Variants in CECR2 observed in about 807,000 individuals in gnomAD.
CECR2 encodes the protein CECR2 histone acetyl-lysine reader.
Under a neutral mutation model 154.5 loss-of-function variants are expected in CECR2, and 30 were observed. The ratio of observed to expected loss-of-function variants is 0.19; its 90% confidence interval spans 0.15 to 0.26. CECR2 has a LOEUF of 0.26. Among genes scored for constraint, CECR2 ranks in the 10% least tolerant of loss-of-function variants. The probability of loss-of-function intolerance (pLI) is 1.00; values close to 1 mark genes in which losing one functional copy is unlikely to be tolerated. For synonymous variants in CECR2, 725 were observed against 683.7 expected, an observed-to-expected ratio of 1.06 and a Z score of -0.94; for missense variants, 1,743 against 1,829.3, an observed-to-expected ratio of 0.95 and a Z score of 0.86.
At chr22:17,359,998 A>C (rs556905333) in exon 1 of CECR2, 1 of 152,386 alleles carries the variant, frequency 6.6e-6, no homozygotes, top group East Asian at 1.9e-4. Context: ...TATAGTACTC[A>C]GCTTGACGCC....
intron 16 of CECR2, among the ~76,000 whole-genome samples, chr22:17,545,729 G>C (rs1029760353): frequency 1.3e-5 from 2 of 151,476 alleles, no homozygotes; most frequent in African/African-American, 4.9e-5. Context: ...TGTAATCCCA[G>C]CTCCTCGGGA....
chr22:17,375,784 G>A (rs956778509), intron 1 of CECR2, among the ~76,000 whole-genome samples: 1 of 151,844 alleles, frequency 6.6e-6, no homozygotes, highest in African/African-American at 2.4e-5. Context: ...ATGAAACCCC[G>A]TCTCTACTAA....
intron 1 of CECR2, among the ~76,000 whole-genome samples, chr22:17,448,829 C>A (rs893893220): frequency 6.6e-6 from 1 of 151,900 alleles, no homozygotes; most frequent in African/African-American, 2.4e-5. Flanking sequence ...TACTGTCAGG[C>A]CTTCTGTTCT....
intron 7 of CECR2, among the ~76,000 whole-genome samples, chr22:17,509,427 C>CT (rs11389089): frequency 0.43 from 60,913 of 141,010 alleles, 13,173 homozygotes; most frequent in Middle Eastern, 0.53. Flanking sequence ...TGTTTCTTTT[C>CT]TTTTTTTTTT....
intron 4 of CECR2, among the ~76,000 whole-genome samples, chr22:17,500,211 A>G (rs372201541): frequency 6.3e-5 from 7 of 111,308 alleles, no homozygotes; most frequent in Non-Finnish European, 1.5e-4. Context: ...ACTCCATCAA[A>G]AAAAAAAAAA....
intron 16 of CECR2, among the ~76,000 whole-genome samples, chr22:17,547,117 G>GT (rs1163060230): frequency 6.6e-6 from 1 of 151,036 alleles, no homozygotes; most frequent in Non-Finnish European, 1.5e-5. Flanking sequence ...TGTAGTCTTA[G>GT]TTAAGACCTT....
At chr22:17,412,469 A>AG (rs2054081708) in intron 1 of CECR2, among the ~76,000 whole-genome samples, 1 of 151,976 alleles carries the variant, frequency 6.6e-6, no homozygotes, top group South Asian at 2.1e-4. Context: ...TCCCATTCTT[A>AG]GGGCTAAAGA....
chr22:17,440,571 G>A (rs776202131), intron 1 of CECR2, among the ~76,000 whole-genome samples: 2 of 152,152 alleles, frequency 1.3e-5, no homozygotes, highest in Admixed American at 1.3e-4. Context: ...ATCCCACACT[G>A]TCTATTCCCT....
chr22:17,552,200 A>G, intron 18 of CECR2, 58 bp downstream of exon 18: 1 of 1,452,752 alleles, frequency 6.9e-7, no homozygotes, highest in Non-Finnish European at 9.7e-7. Context: ...GGAAGTAAGT[A>G]TATGACAACC....
chr22:17,494,669 C>T (rs981947030), intron 2 of CECR2, among the ~76,000 whole-genome samples: 1 of 152,168 alleles, frequency 6.6e-6, no homozygotes, highest in Non-Finnish European at 1.5e-5. Context: ...TGTTTCTTCT[C>T]TCTTTGAAAA....
rs2056767679 is a variant in CECR2 at position 17,555,901 on chromosome 22, G to A, written c.*3061G>A. The A allele has an allele frequency of 6.6e-6, 1 of 152,170 alleles. No homozygotes were observed. The highest frequency in any genetic ancestry group is 2.4e-5 in the African/African-American group (1 of 41,436). 9.4% of individuals were successfully genotyped at this position (152,170 alleles called of 1,614,324 possible). A position where few individuals can be genotyped will look rare whatever the true frequency, so the allele number is the denominator to read the frequency against. ...ACACTCATGGCTCACCTTTAGTAGA[G>A]TTGTTAATAAGTTAGAAACTTGTGT... On this transcript the variant is annotated 3_prime_UTR_variant, in exon 19 of 19. Transcript: ENST00000262608.
chr22:17,512,705 CAGA>C (rs1373653629), intron 8 of CECR2, among the ~76,000 whole-genome samples: 6 of 21,640 alleles, frequency 2.8e-4, no homozygotes, highest in Non-Finnish European at 4.5e-4. Context: ...CACTCTGTCT[CAGA>C]AAAAAAAAAA....
At chr22:17,424,861 C>CT (rs1243571856) in intron 1 of CECR2, 11 of 152,410 alleles carry the variant, frequency 7.2e-5, no homozygotes, top group African/African-American at 2.6e-4. Flanking sequence ...TCCATGGTTA[C>CT]TTCTAAAGCC....
At chr22:17,377,236 A>G (rs1489178034) in intron 1 of CECR2, among the ~76,000 whole-genome samples, 1 of 152,196 alleles carries the variant, frequency 6.6e-6, no homozygotes, top group Non-Finnish European at 1.5e-5. Flanking sequence ...GTGTGTTTGC[A>G]AATTATAGGA....
At chr22:17,461,029 C>T (rs934798986) in intron 1 of CECR2, among the ~76,000 whole-genome samples, 2 of 152,150 alleles carry the variant, frequency 1.3e-5, no homozygotes, top group African/African-American at 4.8e-5. Flanking sequence ...GTAGACCTGT[C>T]AATCCTGTGG....
chr22:17,371,491 AAGAG>A (rs752572462), intron 1 of CECR2, among the ~76,000 whole-genome samples: 7 of 152,254 alleles, frequency 4.6e-5, no homozygotes, highest in Non-Finnish European at 1.0e-4. Flanking sequence ...TTGACGAAAG[AAGAG>A]AAACAGAGAC....
chr22:17,534,547 G>A (rs899837102), intron 9 of CECR2, among the ~76,000 whole-genome samples: 3 of 151,324 alleles, frequency 2.0e-5, no homozygotes, highest in Admixed American at 6.6e-5. Context: ...TCACTCTGTC[G>A]CCCAGGCTGG....
intron 1 of CECR2, among the ~76,000 whole-genome samples, chr22:17,462,408 A>C (rs1238738520): frequency 6.6e-6 from 1 of 152,008 alleles, no homozygotes; most frequent in East Asian, 1.9e-4. Flanking sequence ...AATACTGAGA[A>C]GGTGTAGGTT....
rs143288722 is a variant in CECR2, at chr22:17,427,088, C to T, written c.127-50500C>T. ...AAGTGTTCTCATTGTTCAATTCCAA[C>T]CTAAGAGTGAGAATATGCAGTGTTT... On this transcript the variant is annotated intron_variant, in intron 1 of 18. Coordinates refer to ENST00000262608, the MANE Select transcript of CECR2 (RefSeq NM_001290047.2). 5.9e-5 allele frequency among the ~76,000 whole-genome samples: 9 copies of T among 151,480 alleles called. No homozygotes were observed. The East Asian group carries it at 1.4e-3, about 23-fold the overall frequency.
Sources: allele counts gnomAD v4.1 joint callset (sites outside exome capture counted in the v4.1 genomes callset), GRCh38; gene constraint gnomAD v4.1.1; transcripts MANE v1.5; gene names NCBI Gene and HGNC (gene_info 2026-07-23, HGNC 2026-07-21).